Variants in NAV3 observed in about 807,000 individuals in gnomAD.
NAV3 encodes the protein neuron navigator 3.
Under a neutral mutation model 244.7 loss-of-function variants are expected in NAV3, and 87 were observed. The ratio of observed to expected loss-of-function variants is 0.36; its 90% confidence interval spans 0.30 to 0.42. The LOEUF (loss-of-function observed/expected upper bound fraction) is 0.42. Ranked by LOEUF, NAV3 falls within the 20% of genes least tolerant of loss-of-function variation. NAV3 has a pLI of 1.00. For synonymous variants in NAV3, 1,126 were observed against 1,042.2 expected (o/e 1.08, Z -1.55); for missense variants, 2,663 against 2,893.3 (o/e 0.92, Z 1.83).
At chr12:77,820,472 T>C (rs1243178128) in intron 2 of NAV3, among the ~76,000 whole-genome samples, 5 of 152,156 alleles carry the variant, frequency 3.3e-5, no homozygotes, top group Admixed American at 6.5e-5. Flanking sequence ...ATCCCATTCA[T>C]GAGGGCAGAG....
intron 9 of NAV3, among the ~76,000 whole-genome samples, chr12:78,041,353 A>G (rs1035401931): frequency 2.0e-5 from 3 of 152,250 alleles, no homozygotes; most frequent in Non-Finnish European, 2.9e-5. Flanking sequence ...TGGCAGCACA[A>G]TGGTGGCTGT....
chr12:77,952,405 A>G (rs1890985521), intron 3 of NAV3, among the ~76,000 whole-genome samples: 1 of 152,184 alleles, frequency 6.6e-6, no homozygotes, highest in African/African-American at 2.4e-5. Flanking sequence ...TCAATTGACT[A>G]TATTAGTATG....
At chr12:78,080,382 C>T (rs529951140) in intron 12 of NAV3, among the ~76,000 whole-genome samples, 2 of 152,202 alleles carry the variant, frequency 1.3e-5, no homozygotes, top group South Asian at 4.2e-4. Flanking sequence ...ACAGAGTGAG[C>T]CTTAAATTAA....
intron 2 of NAV3, among the ~76,000 whole-genome samples, chr12:77,686,752 C>G (rs2137139246): frequency 6.6e-6 from 1 of 152,248 alleles, no homozygotes; most frequent in African/African-American, 2.4e-5. Context: ...CTAGGTTCAT[C>G]TGACTTTACA....
chr12:78,121,405 C>T (rs1023982928), intron 15 of NAV3, among the ~76,000 whole-genome samples: 1 of 152,106 alleles, frequency 6.6e-6, no homozygotes, highest in Non-Finnish European at 1.5e-5. Context: ...AATATTGTTT[C>T]CAACCAACTG....
chr12:77,626,387 T>A (rs1392599197), intron 2 of NAV3, among the ~76,000 whole-genome samples: 1 of 152,124 alleles, frequency 6.6e-6, no homozygotes, highest in Non-Finnish European at 1.5e-5. Context: ...GAAAACCTAT[T>A]TACAAAATAA....
At chr12:78,062,501 G>T (rs1884464200) in intron 12 of NAV3, among the ~76,000 whole-genome samples, 1 of 151,986 alleles carries the variant, frequency 6.6e-6, no homozygotes, top group Admixed American at 6.6e-5. Context: ...CATATCAAAG[G>T]TACAGAGAAG....
chr12:78,014,868 T>C lies in NAV3; in HGVS notation c.1908-6879T>C, dbSNP rs561879331. Among the ~76,000 whole-genome samples, 4 of 152,212 alleles carry C rather than the reference T, an allele frequency of 2.6e-5. No homozygotes were observed. The East Asian group carries it at 5.8e-4, about 22-fold the overall frequency. The stretch of plus-strand genomic sequence containing the variant: ...ATGGTTTTATGTGAACTGGGCATAA[T>C]TGACTATCAGTAAAAACTAAAGCTT... On this transcript the variant is annotated intron_variant, in intron 8 of 39. Transcript: ENST00000397909.
At chr12:78,102,170 C>G (rs1954568507) in intron 12 of NAV3, among the ~76,000 whole-genome samples, 1 of 152,176 alleles carries the variant, frequency 6.6e-6, no homozygotes, top group South Asian at 2.1e-4. Flanking sequence ...CCTGTAAAAT[C>G]ACAAGCAAGC....
intron 2 of NAV3, among the ~76,000 whole-genome samples, chr12:77,709,020 A>C (rs1032951046): frequency 6.6e-6 from 1 of 152,148 alleles, no homozygotes; most frequent in South Asian, 2.1e-4. Context: ...GGACAATTTG[A>C]CTTCCTCTTT....
intron 10 of NAV3, 140 bp from the exon 11 acceptor site, chr12:78,050,624 T>C (rs901189335): frequency 2.2e-6 from 2 of 891,296 alleles, no homozygotes; most frequent in Non-Finnish European, 3.4e-6. Context: ...GACCTCAAAA[T>C]GAATATAGAG....
intron 1 of NAV3, among the ~76,000 whole-genome samples, chr12:77,842,631 A>T (rs959559829): frequency 6.6e-6 from 1 of 151,204 alleles, no homozygotes. Flanking sequence ...GCTTGGAGGT[A>T]TTGTGAAACT....
At chr12:78,185,769 T>C in intron 31 of NAV3, 71 bp downstream of exon 31, 1 of 1,293,380 alleles carries the variant, frequency 7.7e-7, no homozygotes. Flanking sequence ...ATTTTATGTG[T>C]GAATATTTGA....
intron 20 of NAV3, among the ~76,000 whole-genome samples, chr12:78,146,145 T>C (rs952122184): frequency 2.0e-5 from 3 of 152,120 alleles, no homozygotes; most frequent in Non-Finnish European, 4.4e-5. Context: ...TCAAATGACC[T>C]ATATTTTAAG....
At chr12:78,098,849 A>G (rs1954391592) in intron 12 of NAV3, among the ~76,000 whole-genome samples, 1 of 151,898 alleles carries the variant, frequency 6.6e-6, no homozygotes, top group African/African-American at 2.4e-5. Context: ...TCAGTCTCAC[A>G]ATTTGACAAA....
At chr12:77,921,699 G>T (rs1038386756) in intron 1 of NAV3, among the ~76,000 whole-genome samples, 7 of 152,064 alleles carry the variant, frequency 4.6e-5, no homozygotes, top group Admixed American at 3.9e-4. Context: ...TTTTTATGAG[G>T]ATACAAGGCA....
intron 2 of NAV3, among the ~76,000 whole-genome samples, chr12:77,687,696 A>G (rs1874819663): frequency 6.6e-6 from 1 of 152,148 alleles, no homozygotes; most frequent in Admixed American, 6.6e-5. Context: ...AAACTGGACT[A>G]TTAGACTAAG....
At chr12:77,793,378 A>G (rs1006154559) in intron 2 of NAV3, among the ~76,000 whole-genome samples, 10 of 152,302 alleles carry the variant, frequency 6.6e-5, no homozygotes, top group Non-Finnish European at 1.2e-4. Context: ...TAACAAATAC[A>G]TGTGCCATGG....
chr12:77,924,540 C>T (rs570121271), intron 1 of NAV3, among the ~76,000 whole-genome samples: 1 of 152,202 alleles, frequency 6.6e-6, no homozygotes, highest in Admixed American at 6.5e-5. Flanking sequence ...TGTATCCCCG[C>T]TTGGGTCAAC....
Sources: gnomAD v4.1 joint callset for allele counts (sites outside exome capture counted in the v4.1 genomes callset) on GRCh38, gnomAD v4.1.1 for gene constraint, MANE v1.5 for transcripts, NCBI Gene and HGNC (gene_info 2026-07-23, HGNC 2026-07-21) for gene names.